The following RBL2 variants were observed in gnomAD, a reference collection of about 807,000 sequenced individuals.
The protein encoded by RBL2 is RB transcriptional corepressor like 2.
In RBL2, 56 loss-of-function variants were observed where a neutral mutation model predicts 126.0. The ratio of observed to expected loss-of-function variants is 0.44; its 90% CI spans 0.36 to 0.56. The LOEUF is 0.56. Among genes scored for constraint, RBL2 ranks in the 20% least tolerant of loss-of-function variants. RBL2 has a pLI of 0.00. For missense variants in RBL2, 1,229 were observed against 1,398.2 expected, an observed-to-expected ratio of 0.88 and a Z score of 1.93; for synonymous variants, 454 against 478.5, an observed-to-expected ratio of 0.95 and a Z score of 0.67.
chr16:53,453,869 T>A, intron 7 of RBL2, 100 bp downstream of exon 7: 1 of 1,100,520 alleles, frequency 9.1e-7, no homozygotes, highest in Admixed American at 2.9e-5. Context: ...AAACTGAGAA[T>A]ATGTTTTGTG....
In RBL2 at chr16:53,444,874, T is replaced by C. The variant is rs542907918; in HGVS notation, c.572+2016T>C. On this transcript the variant is annotated intron_variant, in intron 3 of 21. Transcript: ENST00000262133. ...AAATAAATAAATAAAAAATGAAGTATTCTAAAGTTTGAATAGAAGCTTTGT... is the reference window on the plus strand; with the variant it reads ...AAATAAATAAATAAAAAATGAAGTACTCTAAAGTTTGAATAGAAGCTTTGT... Among the ~76,000 whole-genome samples the C allele has an allele frequency of 2.6e-5, 4 of 152,256 alleles. 1 individual carries two copies. Among genetic ancestry groups the C allele is most frequent in the African/African-American group, 9.6e-5 (4 of 41,566 alleles).
intron 8 of RBL2, 47 bp downstream of exon 8, chr16:53,454,889 C>T: frequency 6.9e-7 from 1 of 1,440,060 alleles, no homozygotes. Context: ...AGCAGGTAAG[C>T]CAGGGGTTCT....
At chr16:53,467,220 T>G (rs763916908) in intron 14 of RBL2, 51 bp downstream of exon 14, 5 of 1,436,572 alleles carry the variant, frequency 3.5e-6, no homozygotes, top group Non-Finnish European at 4.9e-6. Context: ...TCTGGAAATT[T>G]AAATTTCATC....
chr16:53,485,227 A>G (rs1961119146), intron 21 of RBL2, among the ~76,000 whole-genome samples: 1 of 152,234 alleles, frequency 6.6e-6, no homozygotes. Context: ...CTGTGTTTTC[A>G]CTATCACAAT....
chr16:53,450,082 G>A (rs1049800176), intron 4 of RBL2, among the ~76,000 whole-genome samples: 1 of 149,412 alleles, frequency 6.7e-6, no homozygotes, highest in African/African-American at 2.5e-5. Flanking sequence ...TTTTACACAT[G>A]AGGAACCAAG....
At chr16:53,476,012 C>G (rs1053651665) in intron 17 of RBL2, among the ~76,000 whole-genome samples, 3 of 151,020 alleles carry the variant, frequency 2.0e-5, no homozygotes, top group African/African-American at 4.9e-5. Context: ...TTTGTAGATA[C>G]GAGATTTTGC....
Position 53,448,570 on chromosome 16 carries a change from G to A in RBL2, c.637+1464G>A, listed in dbSNP as rs931493333. Among the ~76,000 whole-genome samples, 16 of 152,184 alleles carry A rather than the reference G, an allele frequency of 1.1e-4. No homozygotes were observed. In the East Asian group the frequency reaches 1.7e-3, roughly 16 times the overall value. On this transcript the variant is annotated intron_variant, in intron 4 of 21. Transcript: ENST00000262133. ...ATGATCTCTGCTCACTGCAACCTCC[G>A]CCTCTTGTGTTCAAGTGATTCTTGT... is the stretch of plus-strand genomic sequence containing the variant.
intron 14 of RBL2, among the ~76,000 whole-genome samples, chr16:53,468,261 G>A (rs1306966244): frequency 6.6e-6 from 1 of 152,116 alleles, no homozygotes; most frequent in African/African-American, 2.4e-5. Flanking sequence ...ACTCTAGGCT[G>A]GGCATGGTGG....
Position 53,470,633 on chromosome 16 carries a change from G to A in RBL2, c.2496G>A (p.Lys832=). 2.5e-6 allele frequency: 4 copies of A among 1,614,166 alleles called. No homozygotes were observed. Among genetic ancestry groups the A allele is most frequent in the Non-Finnish European group, 3.4e-6 (4 of 1,179,992 alleles). ...SVTSSSNRPR[K]TSSLSLFFRK... ...CCAGCAGTAGTAATAGACCCAGGAA[G>A]ACCAGCTCTTTATCGCTTTTCTTTA... The change falls in exon 16 of 22, where the codon AAG becomes AAA. Residue 832 remains lysine (K), a synonymous_variant. Transcript: ENST00000262133.
chr16:53,445,156 A>G (rs772762088), intron 3 of RBL2, among the ~76,000 whole-genome samples: 2 of 151,952 alleles, frequency 1.3e-5, no homozygotes, highest in Non-Finnish European at 2.9e-5. Context: ...GCGAAACTTC[A>G]TCTCCACAAA....
At chr16:53,488,603 C>T (rs1257553580) in intron 21 of RBL2, 1 of 152,100 alleles carries the variant, frequency 6.6e-6, no homozygotes, top group Non-Finnish European at 1.5e-5. Context: ...CAAGAAGTAG[C>T]TTATGTCTAG....
At chr16:53,449,079 C>T (rs1325930166) in intron 4 of RBL2, 2 of 152,088 alleles carry the variant, frequency 1.3e-5, no homozygotes, top group Non-Finnish European at 2.9e-5. Flanking sequence ...ATGATAAAGG[C>T]GACATGATCA....
intron 12 of RBL2, 22 bp downstream of exon 12, chr16:53,464,385 T>C (rs780104242): frequency 1.3e-6 from 2 of 1,537,182 alleles, no homozygotes; most frequent in Non-Finnish European, 1.8e-6. Context: ...AATATGATAC[T>C]AATGGGGATA....
At chr16:53,469,443 G>A (rs1011590093) in intron 14 of RBL2, among the ~76,000 whole-genome samples, 1 of 152,114 alleles carries the variant, frequency 6.6e-6, no homozygotes, top group African/African-American at 2.4e-5. Context: ...AAAACCGGTG[G>A]CGGAATGCTC....
At position 53,439,126 on chromosome 16, in the gene RBL2, C is replaced by T. The variant is rs2057988880; in HGVS notation, c.351C>T (p.Ile117=). Residue 117 remains isoleucine (I), a synonymous_variant, in exon 2 of 22, where the codon ATC becomes ATT. Coordinates refer to ENST00000262133, the MANE Select transcript of RBL2 (RefSeq NM_005611.4). ...GAAACTATGTATCTTTAACTAGAAT[C>T]CTGAAATGTTCAGAGCAGAGGTAAC... is the stretch of plus-strand genomic sequence containing the variant. ...VEGNYVSLTR[I]LKCSEQSLIE... is the part of the protein sequence containing the mutation. 1 of 1,603,514 alleles carries T rather than the reference C, an allele frequency of 6.2e-7. No homozygotes were observed.
At chr16:53,438,930 A>G in intron 1 of RBL2, 86 bp from the exon 2 acceptor site, 1 of 908,304 alleles carries the variant, frequency 1.1e-6, no homozygotes, top group Non-Finnish European at 1.5e-6. Context: ...TATAAACAAC[A>G]CTTTCAATTT....
Position 53,470,927 on chromosome 16 carries a change from G to A in RBL2, c.2703+5G>A, listed in dbSNP as rs1280005894. 1 of 1,602,714 alleles carries A rather than the reference G, an allele frequency of 6.2e-7. No individual in the cohort carries two copies. Among genetic ancestry groups the A allele is most frequent in the African/African-American group, 1.3e-5 (1 of 74,194 alleles). Reference sequence around the variant, plus strand: ...GCCATTTATGTGATGGCAAAGGTGAGTACCATTTGGAATTGTAAAGGCAAA... The same window carrying A: ...GCCATTTATGTGATGGCAAAGGTGAATACCATTTGGAATTGTAAAGGCAAA... On this transcript the variant is annotated splice_donor_5th_base_variant and intron_variant, in intron 17 of 21. Coordinates refer to ENST00000262133, the MANE Select transcript of RBL2 (RefSeq NM_005611.4).
At chr16:53,486,110 C>G (rs1961161857) in intron 21 of RBL2, among the ~76,000 whole-genome samples, 2 of 133,188 alleles carry the variant, frequency 1.5e-5, no homozygotes, top group East Asian at 2.2e-4. Flanking sequence ...GGCAACATAG[C>G]AAGACCTTGT....
Position 53,435,070 on chromosome 16 carries a change from A to C in RBL2, c.240+274A>C, listed in dbSNP as rs143312918. On this transcript the variant is annotated intron_variant, in intron 1 of 21. Transcript: ENST00000262133. ...TCGCGCTGGGGTCCCGTTGAGGAAA[A>C]TGGGTGTGTGTGGCCCATCTGACCC... is the stretch of plus-strand genomic sequence containing the variant. Among the ~76,000 whole-genome samples the C allele has an allele frequency of 4.5e-3, 686 of 152,206 alleles. 2 individuals carry two copies. The highest frequency in any genetic ancestry group is 0.016 in the African/African-American group (665 of 41,534).
Sources: gnomAD v4.1 joint callset for allele counts (sites outside exome capture counted in the v4.1 genomes callset) on GRCh38, gnomAD v4.1.1 for gene constraint, MANE v1.5 for transcripts, NCBI Gene and HGNC (gene_info 2026-07-23, HGNC 2026-07-21) for gene names.